Variants in SLC2A12 observed in about 807,000 individuals in gnomAD.
SLC2A12 encodes the protein solute carrier family 2 member 12.
In SLC2A12, 23 loss-of-function variants were observed where a neutral mutation model predicts 41.8. That is an observed-to-expected ratio of 0.55 (90% confidence interval 0.40 to 0.78). The LOEUF (loss-of-function observed/expected upper bound fraction) is 0.78, where lower values mean the gene tolerates loss of function less well. Among genes scored for constraint, SLC2A12 ranks in the 30% least tolerant of loss-of-function variants. SLC2A12 has a pLI of 0.00. For synonymous variants in SLC2A12, 295 were observed against 285.9 expected, an observed-to-expected ratio of 1.03 and a Z score of -0.32; for missense variants, 654 against 745.6, an observed-to-expected ratio of 0.88 and a Z score of 1.43.
At chr6:134,021,771 A>C (rs1454662270) in intron 2 of SLC2A12, among the ~76,000 whole-genome samples, 1 of 152,246 alleles carries the variant, frequency 6.6e-6, no homozygotes, top group African/African-American at 2.4e-5. Flanking sequence ...CTAGAAACAC[A>C]CTAGTAGTTC....
At chr6:134,002,670 A>T (rs546311112) in intron 3 of SLC2A12, among the ~76,000 whole-genome samples, 1 of 152,216 alleles carries the variant, frequency 6.6e-6, no homozygotes, top group South Asian at 2.1e-4. Flanking sequence ...CTTTGCTCTG[A>T]TGTGAATAAA....
chr6:134,005,257 A>AT (rs35571019), intron 3 of SLC2A12, among the ~76,000 whole-genome samples: 2 of 152,112 alleles, frequency 1.3e-5, no homozygotes, highest in African/African-American at 2.4e-5. Context: ...TGCTTGTAAC[A>AT]TTTTTTTATG....
intron 3 of SLC2A12, among the ~76,000 whole-genome samples, chr6:134,004,915 A>C (rs1776793282): frequency 6.6e-6 from 1 of 152,238 alleles, no homozygotes; most frequent in Non-Finnish European, 1.5e-5. Flanking sequence ...ACCAGACCTC[A>C]TGTGCCTCCT....
chr6:134,046,999 G>C (rs1433701209), intron 1 of SLC2A12, among the ~76,000 whole-genome samples: 1 of 152,176 alleles, frequency 6.6e-6, no homozygotes, highest in Non-Finnish European at 1.5e-5. Context: ...GAAGTATTTT[G>C]GGGGATGTCA....
rs532500939 is a variant in SLC2A12, at chr6:134,037,182, T to C, written c.104-7461A>G. Among the ~76,000 whole-genome samples, 3 of 134,192 alleles carry C rather than the reference T, an allele frequency of 2.2e-5. No homozygotes were observed. The South Asian group carries it at 7.2e-4, about 32-fold the overall frequency. 88.0% of individuals were successfully genotyped at this position (134,192 alleles called of 152,430 possible). A position where few individuals can be genotyped will look rare whatever the true frequency, so the allele number is the denominator to read the frequency against. The stretch of plus-strand genomic sequence containing the variant: ...TTTTTTTTTTTTTTTTGAGAAGAAG[T>C]GTCACTCTGTCGCCCAGGCTGGAGT... On this transcript the variant is annotated intron_variant, in intron 1 of 4. Coordinates refer to ENST00000275230, the MANE Select transcript of SLC2A12 (RefSeq NM_145176.3).
chr6:134,039,085 T>A (rs537402267), intron 1 of SLC2A12, among the ~76,000 whole-genome samples: 190 of 152,394 alleles, frequency 1.2e-3, no homozygotes, highest in African/African-American at 4.4e-3. Context: ...TGCTACTTGT[T>A]GAGTTCTTTT....
intron 1 of SLC2A12, among the ~76,000 whole-genome samples, chr6:134,037,421 A>G (rs9373078): frequency 0.2 from 29,888 of 150,536 alleles, 7,790 homozygotes; most frequent in African/African-American, 0.6. Flanking sequence ...GTGCAGTGGC[A>G]TGATCTCGGC....
chr6:134,027,509 A>AAG (rs569065543), intron 2 of SLC2A12, among the ~76,000 whole-genome samples: 20 of 152,054 alleles, frequency 1.3e-4, no homozygotes, highest in Non-Finnish European at 2.2e-4. Flanking sequence ...ATAAAAGAGA[A>AAG]AGAGAGAGAG....
chr6:134,031,142 A>C (rs141223395), intron 1 of SLC2A12, among the ~76,000 whole-genome samples: 4 of 152,318 alleles, frequency 2.6e-5, no homozygotes, highest in African/African-American at 9.6e-5. Flanking sequence ...CTGTAATCCC[A>C]GCACTTTGGG....
rs1777160029 is a variant in SLC2A12 at position 134,029,171 on chromosome 6, A to G, written c.654T>C (p.Pro218=). The change falls in exon 2 of 5, where the codon CCT becomes CCC. Residue 218 remains proline, a synonymous_variant. Transcript: ENST00000275230. ...VLQAIAMYFL[P]PSPRFLVMKG... Reference sequence around the variant, plus strand: ...TCATCACCAGAAACCGAGGGCTTGGAGGAAGAAAATACATTGCAATTGCTT... The same window carrying G: ...TCATCACCAGAAACCGAGGGCTTGGGGGAAGAAAATACATTGCAATTGCTT... 1 of 1,614,156 alleles carries G rather than the reference A, an allele frequency of 6.2e-7. No homozygotes were observed. Among genetic ancestry groups the G allele is most frequent in the Non-Finnish European group, 8.5e-7 (1 of 1,180,040 alleles).
intron 1 of SLC2A12, among the ~76,000 whole-genome samples, chr6:134,043,129 A>G (rs1777405978): frequency 6.6e-6 from 1 of 152,206 alleles, no homozygotes; most frequent in African/African-American, 2.4e-5. Flanking sequence ...AAAAATCTAC[A>G]AAGAGCTTAT....
At chr6:133,994,391 C>T (rs1776657787) in intron 4 of SLC2A12, among the ~76,000 whole-genome samples, 1 of 152,094 alleles carries the variant, frequency 6.6e-6, no homozygotes, top group Non-Finnish European at 1.5e-5. Flanking sequence ...AGAGAGATAG[C>T]TAGAGACATA....
In SLC2A12 at chr6:134,013,510, G is replaced by A. The variant is rs569793267; in HGVS notation, c.1445-6576C>T. Among the ~76,000 whole-genome samples, 30 of 152,142 alleles carry A rather than the reference G, an allele frequency of 2.0e-4. No individual in the cohort carries two copies. In the East Asian group the frequency reaches 5.8e-3, roughly 29 times the overall value. Reference sequence around the variant, plus strand: ...GGAAATACCTCTCAATGAGATGGATGGGGAGTTTTTTTCTTTATTTTGTAT... The same window carrying A: ...GGAAATACCTCTCAATGAGATGGATAGGGAGTTTTTTTCTTTATTTTGTAT... On this transcript the variant is annotated intron_variant, in intron 2 of 4. Coordinates refer to ENST00000275230, the MANE Select transcript of SLC2A12 (RefSeq NM_145176.3).
intron 1 of SLC2A12, 30 bp downstream of exon 1, chr6:134,052,348 G>A: frequency 6.3e-7 from 1 of 1,582,850 alleles, no homozygotes. Context: ...GCTTCTCTGC[G>A]GTCACCCGAG....
chr6:133,993,305 A>C (rs1189137376), intron 4 of SLC2A12, among the ~76,000 whole-genome samples: 2 of 152,124 alleles, frequency 1.3e-5, no homozygotes, highest in Non-Finnish European at 2.9e-5. Context: ...GCCTACTACT[A>C]ATGTGTCTAT....
intron 2 of SLC2A12, among the ~76,000 whole-genome samples, chr6:134,026,114 T>G (rs1777109374): frequency 6.6e-6 from 1 of 152,178 alleles, no homozygotes; most frequent in Admixed American, 6.5e-5. Context: ...ACCTGAGAGG[T>G]TTTCTGAATT....
chr6:134,045,996 T>C (rs1479149955), intron 1 of SLC2A12, among the ~76,000 whole-genome samples: 1 of 152,316 alleles, frequency 6.6e-6, no homozygotes, highest in Non-Finnish European at 1.5e-5. Context: ...GCAGCTTAGT[T>C]TCCCAATATA....
intron 1 of SLC2A12, 75 bp downstream of exon 1, chr6:134,052,303 C>T (rs910399190): frequency 2.6e-6 from 2 of 759,432 alleles, no homozygotes; most frequent in Non-Finnish European, 4.1e-6. Context: ...ACACGGGACT[C>T]AAGAGACAGT....
intron 1 of SLC2A12, among the ~76,000 whole-genome samples, chr6:134,041,653 C>G (rs1481577468): frequency 2.0e-5 from 3 of 152,036 alleles, no homozygotes; most frequent in Non-Finnish European, 4.4e-5. Context: ...CCATCTCTGT[C>G]AAATGAGGAT....
Sources: allele counts gnomAD v4.1 joint callset (sites outside exome capture counted in the v4.1 genomes callset), GRCh38; gene constraint gnomAD v4.1.1; transcripts MANE v1.5; gene names NCBI Gene and HGNC (gene_info 2026-07-23, HGNC 2026-07-21).